CSMD1: variants seen among roughly 807,000 people sequenced by gnomAD.
CSMD1 encodes CUB and sushi domain-containing protein 1.
Under a neutral mutation model 417.5 loss-of-function variants are expected in CSMD1, and 213 were observed. The observed-to-expected ratio is 0.51, with a 90% CI of 0.46 to 0.57. The LOEUF (loss-of-function observed/expected upper bound fraction) is 0.57, where lower values mean the gene tolerates loss of function less well. Among genes scored for constraint, CSMD1 ranks in the 20% least tolerant of loss-of-function variants. The pLI, the probability that CSMD1 is intolerant of heterozygous loss-of-function variation, is 0.00. For missense variants in CSMD1, 6,923 were observed against 4,529.7 expected (o/e 1.53, Z -15.17); for synonymous variants, 2,862 against 1,736.8 (o/e 1.65, Z -16.11).
Position 3,827,986 on chromosome 8 carries a change from C to G in CSMD1, c.819-73944G>C, listed in dbSNP as rs60047882. Among the ~76,000 whole-genome samples, 353 of 152,260 alleles carry G rather than the reference C, an allele frequency of 2.3e-3. 1 individual carries two copies. The highest frequency in any genetic ancestry group is 8.2e-3 in the African/African-American group (339 of 41,562). On this transcript the variant is annotated intron_variant, in intron 5 of 69. Coordinates refer to ENST00000635120, the MANE Select transcript of CSMD1 (RefSeq NM_033225.6). ...AACCAAATAGCCATCTTAACATAAA[C>G]AGAAACAACCTCATGCATGGCAAGA...
chr8:4,654,848 T>C (rs1014183247), intron 1 of CSMD1, among the ~76,000 whole-genome samples: 4 of 152,070 alleles, frequency 2.6e-5, no homozygotes, highest in African/African-American at 9.7e-5. Flanking sequence ...AGACAACAAA[T>C]AATGATTTAT....
chr8:3,481,168 A>C (rs2036278), intron 11 of CSMD1, among the ~76,000 whole-genome samples: 13,070 of 147,996 alleles, frequency 0.088, 665 homozygotes, highest in Middle Eastern at 0.16. Context: ...AAAAAAAAAA[A>C]AAAAAAAAAA....
chr8:4,536,482 C>G (rs1429718074), intron 2 of CSMD1, among the ~76,000 whole-genome samples: 1 of 152,060 alleles, frequency 6.6e-6, no homozygotes, highest in Non-Finnish European at 1.5e-5. Flanking sequence ...CTTGTACTTT[C>G]TCTACCTTGT....
chr8:3,483,618 C>T (rs1352290441), intron 11 of CSMD1, among the ~76,000 whole-genome samples: 2 of 151,850 alleles, frequency 1.3e-5, no homozygotes, highest in African/African-American at 4.8e-5. Context: ...ATTTTATAGC[C>T]ATTATAATCT....
chr8:3,206,482 G>T (rs199778024), intron 30 of CSMD1, among the ~76,000 whole-genome samples: 1 of 15,486 alleles, frequency 6.5e-5, no homozygotes, highest in African/African-American at 1.8e-4. Flanking sequence ...GTCTGTGCGT[G>T]TATGTGTGTG....
chr8:3,280,933 G>C (rs1359728109), intron 26 of CSMD1, among the ~76,000 whole-genome samples: 1 of 152,144 alleles, frequency 6.6e-6, no homozygotes, highest in South Asian at 2.1e-4. Context: ...TGATGGCCAG[G>C]TTTCAACAGT....
chr8:4,201,039 C>T (rs1225915847), intron 3 of CSMD1, among the ~76,000 whole-genome samples: 2 of 152,126 alleles, frequency 1.3e-5, no homozygotes, highest in African/African-American at 2.4e-5. Flanking sequence ...ACTACAGAGA[C>T]GAATTCAAAC....
chr8:4,258,763 C>T (rs1585113219), intron 3 of CSMD1, among the ~76,000 whole-genome samples: 1 of 152,040 alleles, frequency 6.6e-6, no homozygotes, highest in African/African-American at 2.4e-5. Context: ...TAGTCCTTAA[C>T]ATTTAGAATG....
chr8:4,448,347 A>G (rs1018776494), intron 2 of CSMD1, among the ~76,000 whole-genome samples: 1 of 152,216 alleles, frequency 6.6e-6, no homozygotes, highest in Admixed American at 6.5e-5. Flanking sequence ...AGCCTTCTGC[A>G]CTAACTCAAT....
At chr8:4,537,095 A>T (rs1461805913) in intron 2 of CSMD1, among the ~76,000 whole-genome samples, 1 of 152,186 alleles carries the variant, frequency 6.6e-6, no homozygotes, top group Non-Finnish European at 1.5e-5. Flanking sequence ...AAAATAGGGA[A>T]ATGTGAACTA....
At chr8:3,026,759 G>C (rs1009068360) in intron 51 of CSMD1, among the ~76,000 whole-genome samples, 1 of 152,242 alleles carries the variant, frequency 6.6e-6, no homozygotes. Context: ...TTAGCACGTG[G>C]TGACTAGTTA....
At chr8:4,074,766 C>G (rs1799734769) in intron 3 of CSMD1, among the ~76,000 whole-genome samples, 1 of 152,000 alleles carries the variant, frequency 6.6e-6, no homozygotes, top group Admixed American at 6.6e-5. Context: ...AAAAACATTG[C>G]TTGCAAAGTA....
At chr8:3,827,726 C>T (rs1311354804) in intron 5 of CSMD1, among the ~76,000 whole-genome samples, 1 of 152,166 alleles carries the variant, frequency 6.6e-6, no homozygotes, top group African/African-American at 2.4e-5. Flanking sequence ...TTCCATCCAC[C>T]TCATTGTACT....
intron 1 of CSMD1, among the ~76,000 whole-genome samples, chr8:4,809,710 C>T (rs1798787534): frequency 6.6e-6 from 1 of 152,168 alleles, no homozygotes; most frequent in Non-Finnish European, 1.5e-5. Flanking sequence ...CCTAGCATAT[C>T]CAAAACATCT....
intron 1 of CSMD1, among the ~76,000 whole-genome samples, chr8:4,673,581 G>C (rs1345294357): frequency 6.6e-6 from 1 of 152,102 alleles, no homozygotes; most frequent in Admixed American, 6.6e-5. Flanking sequence ...CCTTGTGCTT[G>C]GGGGAAACTC....
Position 4,236,936 on chromosome 8 carries a change from T to A in CSMD1, c.415+183017A>T, listed in dbSNP as rs182624656. The stretch of plus-strand genomic sequence containing the variant: ...AGCTAAAATTGTAATCAGAAACAAG[T>A]TCAAGTTCAGTTTCCTCAGGAAGCA... On this transcript the variant is annotated intron_variant, in intron 3 of 69. Coordinates refer to ENST00000635120, the MANE Select transcript of CSMD1 (RefSeq NM_033225.6). Among the ~76,000 whole-genome samples, 10 of 152,280 alleles carry A rather than the reference T, an allele frequency of 6.6e-5. No homozygotes were observed. In the East Asian group the frequency reaches 1.7e-3, roughly 26 times the overall value.
At position 4,029,942 on chromosome 8, in the gene CSMD1, G is replaced by A. The variant is rs578127661; in HGVS notation, c.610+1963C>T. Reference sequence around the variant, plus strand: ...GCCCTATGTAAGTATAGAATCCAGTGGGGCAGTCAAATCTTAAAGCTCCAA... The same window carrying A: ...GCCCTATGTAAGTATAGAATCCAGTAGGGCAGTCAAATCTTAAAGCTCCAA... On this transcript the variant is annotated intron_variant, in intron 4 of 69. Transcript: ENST00000635120. 3.9e-5 allele frequency among the ~76,000 whole-genome samples: 6 copies of A among 152,184 alleles called. No homozygotes were observed. In the East Asian group the frequency reaches 9.7e-4, roughly 25 times the overall value.
intron 5 of CSMD1, among the ~76,000 whole-genome samples, chr8:3,889,318 G>C (rs1418575073): frequency 6.6e-6 from 1 of 151,200 alleles, no homozygotes; most frequent in Non-Finnish European, 1.5e-5. Flanking sequence ...AAAAGAAGAA[G>C]AGACGATAAT....
intron 25 of CSMD1, among the ~76,000 whole-genome samples, chr8:3,306,715 G>C (rs556859683): frequency 2.4e-4 from 36 of 152,286 alleles, no homozygotes; most frequent in African/African-American, 7.9e-4. Flanking sequence ...GGTTAGGACT[G>C]TGTGTCCACT....
Sources: gnomAD v4.1 joint callset for allele counts (sites outside exome capture counted in the v4.1 genomes callset) on GRCh38, gnomAD v4.1.1 for gene constraint, MANE v1.5 for transcripts, NCBI Gene and HGNC (gene_info 2026-07-23, HGNC 2026-07-21) for gene names.